The following UGT1A8 variants were observed in gnomAD, a reference collection of about 807,000 sequenced individuals.
The protein encoded by UGT1A8 is UDP-glucuronosyltransferase 1A8.
In UGT1A8, 39 loss-of-function variants were observed where a neutral mutation model predicts 45.3. The observed-to-expected ratio is 0.86, with a 90% confidence interval of 0.67 to 1.12. UGT1A8 has a LOEUF of 1.12. UGT1A8 is among the 50% of genes most tolerant of loss of function. The pLI, the probability that UGT1A8 is intolerant of heterozygous loss-of-function variation, is 0.00. For missense variants in UGT1A8, 719 were observed against 664.9 expected, an observed-to-expected ratio of 1.08 and a Z score of -0.90; for synonymous variants, 275 against 249.2, an observed-to-expected ratio of 1.10 and a Z score of -0.97.
intron 1 of UGT1A8, among the ~76,000 whole-genome samples, chr2:233,656,885 C>T (rs2741040): frequency 1.3e-5 from 2 of 151,872 alleles, no homozygotes; most frequent in East Asian, 1.9e-4. Flanking sequence ...CAGATAAACA[C>T]GCACATGCTT....
intron 1 of UGT1A8, among the ~76,000 whole-genome samples, chr2:233,658,208 A>G (rs1457920228): frequency 2.0e-5 from 3 of 151,956 alleles, no homozygotes; most frequent in Non-Finnish European, 4.4e-5. Flanking sequence ...TAGTAGACAC[A>G]GGGTTTCACC....
At chr2:233,652,870 T>A (rs576081268) in intron 1 of UGT1A8, among the ~76,000 whole-genome samples, 7 of 152,308 alleles carry the variant, frequency 4.6e-5, no homozygotes, top group Admixed American at 3.3e-4. Flanking sequence ...GAAGGAAACA[T>A]TTGGGGAAGT....
intron 1 of UGT1A8, among the ~76,000 whole-genome samples, chr2:233,644,520 C>T (rs765834737): frequency 6.6e-6 from 1 of 152,092 alleles, no homozygotes; most frequent in Non-Finnish European, 1.5e-5. Context: ...AAGATCATAC[C>T]ACTGCACTCC....
chr2:233,685,437 A>G (rs4553819), intron 1 of UGT1A8, among the ~76,000 whole-genome samples: 59,161 of 151,978 alleles, frequency 0.39, 11,698 homozygotes, highest in South Asian at 0.45. Context: ...AAAGAATTCG[A>G]GCTGAATCTA....
chr2:233,772,573 A>C lies in UGT1A8; in HGVS notation c.*14A>C. 1.9e-6 allele frequency: 3 copies of C among 1,610,688 alleles called. No homozygotes were observed. Among genetic ancestry groups the C allele is most frequent in the Non-Finnish European group, 2.5e-6 (3 of 1,178,166 alleles). On this transcript the variant is annotated 3_prime_UTR_variant, in exon 5 of 5. Coordinates refer to ENST00000373450, the MANE Select transcript of UGT1A8 (RefSeq NM_019076.5). ...AAGACCCATTGAGAAGTGGGTGGGA[A>C]ATAAGGTAAAATTTTGAACCATTCC...
At chr2:233,620,964 A>ATGTTTG in intron 1 of UGT1A8, among the ~76,000 whole-genome samples, 1 of 152,318 alleles carries the variant, frequency 6.6e-6, no homozygotes, top group East Asian at 1.9e-4. Flanking sequence ...GTGTTTGCAC[A>ATGTTTG]TGTATGTGTT....
rs202172337 is a variant in UGT1A8 at position 233,772,279 on chromosome 2, T to C, written c.1313T>C (p.Met438Thr). The change falls in exon 5 of 5, where the codon ATG becomes ACG. Residue 438 changes from methionine to threonine, a missense_variant. Met to Thr is a moderately conservative substitution (Grantham distance 81). Transcript: ENST00000373450. ...GTGTTTAGTTACAAGGAGAACATCA[T>C]GCGCCTCTCCAGCCTTCACAAGGAC... is the stretch of plus-strand genomic sequence containing the variant. ...INDKSYKENI[M>T]RLSSLHKDRP... is the part of the protein sequence containing the mutation. 1.3e-4 allele frequency: 204 copies of C among 1,614,264 alleles called. No individual in the cohort carries two copies. Among genetic ancestry groups the C allele is most frequent in the East Asian group, 4.2e-4 (19 of 44,890 alleles).
chr2:233,706,539 T>G (rs1295467367), intron 1 of UGT1A8, among the ~76,000 whole-genome samples: 2 of 152,120 alleles, frequency 1.3e-5, no homozygotes, highest in Non-Finnish European at 2.9e-5. Context: ...AAACACAGCT[T>G]TTTTTCTAGG....
At chr2:233,757,559 T>TATATATATACATATAC in intron 1 of UGT1A8, among the ~76,000 whole-genome samples, 4 of 124,406 alleles carry the variant, frequency 3.2e-5, no homozygotes, top group Non-Finnish European at 3.3e-5. Context: ...TATATATATA[T>TATATATATACATATAC]ATGTATATAT....
intron 1 of UGT1A8, among the ~76,000 whole-genome samples, chr2:233,679,933 C>G (rs2074466746): frequency 6.6e-6 from 1 of 152,094 alleles, no homozygotes; most frequent in South Asian, 2.1e-4. Flanking sequence ...ATGTATTTCA[C>G]AAAAAGATGC....
intron 1 of UGT1A8, among the ~76,000 whole-genome samples, chr2:233,750,359 T>C (rs1390894315): frequency 6.6e-6 from 1 of 151,860 alleles, no homozygotes; most frequent in Non-Finnish European, 1.5e-5. Context: ...AACTTATGTT[T>C]AAAAGGGAAG....
Position 233,768,588 on chromosome 2 carries a change from T to TTC in UGT1A8, c.1295+150_1295+151insCT. 11 of 996,616 alleles carry TTC rather than the reference T, an allele frequency of 1.1e-5. No individual in the cohort carries two copies. In the East Asian group the frequency reaches 2.1e-4, roughly 19 times the overall value. The allele number at this position is 996,616 out of a possible 1,614,324, so 61.7% of individuals were successfully genotyped here. A position where few individuals can be genotyped will look rare whatever the true frequency, so the allele number is the denominator to read the frequency against. On this transcript the variant is annotated intron_variant, in intron 4 of 4. Transcript: ENST00000373450. ...ATCTGGATTTTTATTTCTTCTTTTT[T>TTC]TTTTTTTTTTTTTTTTGAGATGGAG...
At chr2:233,632,120 G>A (rs994368244) in intron 1 of UGT1A8, among the ~76,000 whole-genome samples, 1 of 152,044 alleles carries the variant, frequency 6.6e-6, no homozygotes, top group African/African-American at 2.4e-5. Context: ...GTTTTTGTCA[G>A]GTTTGTCAAA....
In UGT1A8 at chr2:233,719,204, T is replaced by C. The variant is rs147848546; in HGVS notation, c.856-47830T>C. 63 of 1,614,240 alleles carry C rather than the reference T, an allele frequency of 3.9e-5. No homozygotes were observed. The African/African-American group carries it at 7.3e-4, about 19-fold the overall frequency. ...TATCTTTGGCCCTTCATAGGTGTTG[T>C]GTGGAGCTACTGCATAATGAGGCCC... is the stretch of plus-strand genomic sequence containing the variant. On this transcript the variant is annotated intron_variant, in intron 1 of 4. Transcript: ENST00000373450.
At chr2:233,645,332 A>C (rs1559322622) in intron 1 of UGT1A8, among the ~76,000 whole-genome samples, 1 of 152,126 alleles carries the variant, frequency 6.6e-6, no homozygotes, top group Non-Finnish European at 1.5e-5. Flanking sequence ...ACACAGCCAA[A>C]CCATATGATT....
At chr2:233,652,823 A>T (rs1369001856) in intron 1 of UGT1A8, among the ~76,000 whole-genome samples, 1 of 152,242 alleles carries the variant, frequency 6.6e-6, no homozygotes, top group Admixed American at 6.5e-5. Context: ...AAATGGATCA[A>T]ATAGCTAAAT....
intron 1 of UGT1A8, among the ~76,000 whole-genome samples, chr2:233,658,234 G>A (rs1428570207): frequency 6.6e-6 from 1 of 152,152 alleles, no homozygotes; most frequent in Admixed American, 6.5e-5. Flanking sequence ...GACCAGGCTG[G>A]CCTCAAACTC....
chr2:233,653,797 A>G (rs1025281564), intron 1 of UGT1A8, among the ~76,000 whole-genome samples: 1 of 152,208 alleles, frequency 6.6e-6, no homozygotes, highest in Non-Finnish European at 1.5e-5. Context: ...GGGTTTTGCC[A>G]TGTTGGCCAG....
At chr2:233,711,107 C>T (rs1170394278) in intron 1 of UGT1A8, among the ~76,000 whole-genome samples, 1 of 152,202 alleles carries the variant, frequency 6.6e-6, no homozygotes, top group Non-Finnish European at 1.5e-5. Flanking sequence ...GCCCAGACCC[C>T]TCCTCATCTC....
Sources: gnomAD v4.1 joint callset for allele counts (sites outside exome capture counted in the v4.1 genomes callset) on GRCh38, gnomAD v4.1.1 for gene constraint, MANE v1.5 for transcripts, NCBI Gene and HGNC (gene_info 2026-07-23, HGNC 2026-07-21) for gene names.